Variants in FGF12 observed in about 807,000 individuals in gnomAD.
The protein encoded by FGF12 is fibroblast growth factor 12.
Under a neutral mutation model 23.6 loss-of-function variants are expected in FGF12, and 14 were observed. That is an observed-to-expected ratio of 0.59 (90% CI 0.39 to 0.93). The LOEUF is 0.93. Among genes scored for constraint, FGF12 ranks in the 40% least tolerant of loss-of-function variants. FGF12 has a pLI of 0.00. For synonymous variants in FGF12, 62 were observed against 77.3 expected (o/e 0.80, Z 1.04); for missense variants, 175 against 217.8 (o/e 0.80, Z 1.24).
chr3:192,353,439 A>G (rs1382865492), intron 3 of FGF12, among the ~76,000 whole-genome samples: 1 of 128,688 alleles, frequency 7.8e-6, no homozygotes, highest in African/African-American at 3.0e-5. Flanking sequence ...GCACGATCCC[A>G]GCTCACTGCA....
chr3:192,613,017 G>T (rs1456750999), intron 2 of FGF12, among the ~76,000 whole-genome samples: 1 of 151,460 alleles, frequency 6.6e-6, no homozygotes, highest in African/African-American at 2.4e-5. Flanking sequence ...ACACACGCTG[G>T]TGACCTTTCC....
chr3:192,601,970 C>G (rs1204141773), intron 2 of FGF12, among the ~76,000 whole-genome samples: 1 of 151,948 alleles, frequency 6.6e-6, no homozygotes, highest in Non-Finnish European at 1.5e-5. Context: ...GATGTAGCAC[C>G]CATGAATATG....
At chr3:192,681,529 T>A (rs989545420) in intron 2 of FGF12, among the ~76,000 whole-genome samples, 2 of 152,218 alleles carry the variant, frequency 1.3e-5, no homozygotes, top group African/African-American at 4.8e-5. Context: ...TAGATGATAG[T>A]GGCTAGATTG....
chr3:192,167,753 ATATATATATATATATAAAATTT>A lies in FGF12; in HGVS notation c.427+2683_427+2704del, dbSNP rs1368332623. ...TAGGTATATATATATATATATATAT[ATATATATATATATATAAAATTT>A]TTTTTTTTTTTTTTTTTTGAGAAAG... is the stretch of plus-strand genomic sequence containing the variant. On this transcript the variant is annotated intron_variant, in intron 5 of 5. Transcript: ENST00000445105. Among the ~76,000 whole-genome samples the A allele has an allele frequency of 3.3e-4, 9 of 27,568 alleles. No individual in the cohort carries two copies. In the South Asian group the frequency reaches 0.01, roughly 31 times the overall value. The allele number at this position is 27,568 out of a possible 152,430, so 18.1% of individuals were successfully genotyped here.
chr3:192,600,982 AAG>A (rs1714091151), intron 2 of FGF12, among the ~76,000 whole-genome samples: 1 of 152,146 alleles, frequency 6.6e-6, no homozygotes, highest in South Asian at 2.1e-4. Context: ...AGCAATATCA[AAG>A]AGACATCTGC....
chr3:192,686,265 C>T (rs1473999892), intron 2 of FGF12, among the ~76,000 whole-genome samples: 1 of 152,140 alleles, frequency 6.6e-6, no homozygotes, highest in African/African-American at 2.4e-5. Context: ...GGAGAGCCAA[C>T]TCTTGCTCTG....
intron 2 of FGF12, among the ~76,000 whole-genome samples, chr3:192,394,736 T>A (rs964571817): frequency 6.6e-6 from 1 of 152,154 alleles, no homozygotes; most frequent in Non-Finnish European, 1.5e-5. Flanking sequence ...TATCTTCCTT[T>A]TAAAAAGGTT....
chr3:192,404,113 A>G (rs1720867921), intron 2 of FGF12, among the ~76,000 whole-genome samples: 1 of 152,164 alleles, frequency 6.6e-6, no homozygotes, highest in Admixed American at 6.5e-5. Flanking sequence ...AATTGTAAAA[A>G]AATTCTGAAG....
intron 4 of FGF12, among the ~76,000 whole-genome samples, chr3:192,267,462 T>C (rs1487430345): frequency 1.3e-5 from 2 of 152,202 alleles, no homozygotes; most frequent in African/African-American, 4.8e-5. Flanking sequence ...AGACTATATC[T>C]TCTCTTTTTA....
chr3:192,390,419 T>G (rs1720242177), intron 2 of FGF12, among the ~76,000 whole-genome samples: 1 of 152,190 alleles, frequency 6.6e-6, no homozygotes, highest in African/African-American at 2.4e-5. Context: ...ACTGGGAACC[T>G]TTGCAAAGGT....
intron 4 of FGF12, among the ~76,000 whole-genome samples, chr3:192,333,255 A>G (rs1456325829): frequency 3.3e-5 from 5 of 152,138 alleles, no homozygotes; most frequent in Non-Finnish European, 7.4e-5. Flanking sequence ...TTGGGGATCA[A>G]TTCTAGTCTA....
At chr3:192,248,260 C>T (rs1711760297) in intron 4 of FGF12, among the ~76,000 whole-genome samples, 2 of 152,244 alleles carry the variant, frequency 1.3e-5, no homozygotes, top group South Asian at 4.2e-4. Flanking sequence ...GAAACATGAC[C>T]ATGGAGAACA....
Position 192,211,990 on chromosome 3 carries a change from G to A in FGF12, c.229-41334C>T, listed in dbSNP as rs536474102. Reference sequence around the variant, plus strand: ...ACAGGAATGTTAAACAGCCTATAGCGTTCTCCCAAATAGCCCATTGTGCAA... The same window carrying A: ...ACAGGAATGTTAAACAGCCTATAGCATTCTCCCAAATAGCCCATTGTGCAA... On this transcript the variant is annotated intron_variant, in intron 4 of 5. Transcript: ENST00000445105. Among the ~76,000 whole-genome samples the A allele has an allele frequency of 3.3e-5, 5 of 152,292 alleles. No homozygotes were observed. In the East Asian group the frequency reaches 7.7e-4, roughly 23 times the overall value.
intron 2 of FGF12, among the ~76,000 whole-genome samples, chr3:192,584,294 G>A (rs1033895978): frequency 2.2e-5 from 3 of 138,820 alleles, no homozygotes; most frequent in African/African-American, 5.2e-5. Flanking sequence ...GTTGTATGCC[G>A]ATCTTCTTCG....
At chr3:192,179,055 G>A (rs759685826) in intron 4 of FGF12, among the ~76,000 whole-genome samples, 24 of 152,058 alleles carry the variant, frequency 1.6e-4, no homozygotes, top group Non-Finnish European at 1.6e-4. Context: ...CTGCTACTTT[G>A]CTAACTCTGT....
intron 4 of FGF12, among the ~76,000 whole-genome samples, chr3:192,268,486 G>A (rs937560826): frequency 1.3e-5 from 2 of 152,200 alleles, no homozygotes; most frequent in Admixed American, 1.3e-4. Flanking sequence ...TGGAGGTGGG[G>A]CCTGGTGGGA....
At chr3:192,585,004 T>C (rs1414669425) in intron 2 of FGF12, among the ~76,000 whole-genome samples, 1 of 142,396 alleles carries the variant, frequency 7.0e-6, no homozygotes, top group African/African-American at 2.7e-5. Flanking sequence ...AAAGACAAGA[T>C]GTGGTTCAGT....
In FGF12 at chr3:192,142,572, C is replaced by T. The variant is rs548947333; in HGVS notation, c.*1437G>A. On this transcript the variant is annotated 3_prime_UTR_variant, in exon 6 of 6. Coordinates refer to ENST00000445105, the MANE Select transcript of FGF12 (RefSeq NM_004113.6). ...CTAAATAGATCTATTTATTCCAATG[C>T]AAATTGTGTAACATTTATTTCTTCC... The T allele has an allele frequency of 2.3e-4, 35 of 152,494 alleles. No homozygotes were observed. The highest frequency in any genetic ancestry group is 4.9e-4 in the Non-Finnish European group (33 of 67,942). The allele number at this position is 152,494 out of a possible 1,614,324, so 9.4% of individuals were successfully genotyped here. A position where few individuals can be genotyped will look rare whatever the true frequency, so the allele number is the denominator to read the frequency against.
chr3:192,237,141 A>G (rs1374111062), intron 4 of FGF12, among the ~76,000 whole-genome samples: 1 of 152,174 alleles, frequency 6.6e-6, no homozygotes, highest in Non-Finnish European at 1.5e-5. Flanking sequence ...TCTTTTCTTT[A>G]AAGATGCTGA....
Sources: allele counts gnomAD v4.1 joint callset (sites outside exome capture counted in the v4.1 genomes callset), GRCh38; gene constraint gnomAD v4.1.1; transcripts MANE v1.5; gene names NCBI Gene and HGNC (gene_info 2026-07-23, HGNC 2026-07-21).